ZBTB32: variants seen among roughly 807,000 people sequenced by gnomAD.
ZBTB32 encodes zinc finger and BTB domain containing 32, also known as zinc finger and BTB domain-containing protein 32.
In ZBTB32, 28 loss-of-function variants were observed where a neutral mutation model predicts 45.3. The ratio of observed to expected loss-of-function variants is 0.62; its 90% confidence interval spans 0.46 to 0.85. The LOEUF is 0.85. ZBTB32 is among the 40% of genes least tolerant of loss of function. ZBTB32 has a pLI of 0.00. For synonymous variants in ZBTB32, 283 were observed against 255.7 expected (o/e 1.11, Z -1.02); for missense variants, 587 against 624.4 (o/e 0.94, Z 0.64).
chr19:35,714,466 G>A lies in ZBTB32; in HGVS notation c.-104-57G>A, dbSNP rs535763256. On this transcript the variant is annotated intron_variant, in intron 2 of 6. Transcript: ENST00000392197. Reference sequence around the variant, plus strand: ...TGGGTTACTTTATTTGCTCACTCAGGACAGAGGGCTCTGATCTAGGACCAG... The same window carrying A: ...TGGGTTACTTTATTTGCTCACTCAGAACAGAGGGCTCTGATCTAGGACCAG... The A allele has an allele frequency of 2.5e-5, 18 of 723,586 alleles. No individual in the cohort carries two copies. In the East Asian group the frequency reaches 3.5e-4, roughly 14 times the overall value. The allele number at this position is 723,586 out of a possible 1,614,324, so 44.8% of individuals were successfully genotyped here.
At chr19:35,713,477 C>G (rs1159357342) in intron 2 of ZBTB32, 1 of 152,342 alleles carries the variant, frequency 6.6e-6, no homozygotes, top group Non-Finnish European at 1.5e-5. Context: ...CTCTCTCCAG[C>G]TGAGGCCTTC....
At chr19:35,713,913 T>C (rs1303917137) in intron 2 of ZBTB32, among the ~76,000 whole-genome samples, 2 of 152,280 alleles carry the variant, frequency 1.3e-5, no homozygotes, top group Non-Finnish European at 2.9e-5. Context: ...CTGTGGCTTC[T>C]GCACCTGCTC....
chr19:35,711,024 G>GC (rs1968677047), intron 1 of ZBTB32, among the ~76,000 whole-genome samples: 1 of 152,156 alleles, frequency 6.6e-6, no homozygotes, highest in South Asian at 2.1e-4. Context: ...GAGTTCCCTT[G>GC]CCCCTCCTCC....
intron 1 of ZBTB32, among the ~76,000 whole-genome samples, chr19:35,705,530 T>C (rs922618996): frequency 2.0e-5 from 3 of 152,162 alleles, no homozygotes; most frequent in Admixed American, 1.3e-4. Flanking sequence ...AGTAATCCTC[T>C]GGAGATTCTA....
chr19:35,710,435 G>C (rs765873981), intron 1 of ZBTB32, among the ~76,000 whole-genome samples: 72 of 152,050 alleles, frequency 4.7e-4, no homozygotes, highest in Non-Finnish European at 8.4e-4. Flanking sequence ...GAAGAGGAAG[G>C]GGGGGCAAGG....
chr19:35,706,064 A>G (rs1237349792), intron 1 of ZBTB32, among the ~76,000 whole-genome samples: 1 of 151,552 alleles, frequency 6.6e-6, no homozygotes, highest in East Asian at 1.9e-4. Flanking sequence ...CCCCATCTCT[A>G]CTAAAAATAC....
rs1968859766 is a variant in ZBTB32 at position 35,715,791 on chromosome 19, T to C, written c.916T>C (p.Trp306Arg). Residue 306 changes from tryptophan to arginine, a missense_variant, in exon 4 of 7, where the codon TGG (tryptophan) becomes CGG (arginine). Trp to Arg is a moderately radical substitution (Grantham distance 101). Transcript: ENST00000392197. Reference protein sequence around the residue: ...PLSLNAPKGLWSQNQLASSSP... With the variant: ...PLSLNAPKGLRSQNQLASSSP... Reference sequence around the variant, plus strand: ...GTCCCTAAATGCCCCCAAAGGGCTCTGGAGCCAGAACCAGTTGGCCTCCTC... The same window carrying C: ...GTCCCTAAATGCCCCCAAAGGGCTCCGGAGCCAGAACCAGTTGGCCTCCTC... 1.2e-6 allele frequency: 2 copies of C among 1,613,718 alleles called. No individual in the cohort carries two copies. Among genetic ancestry groups the C allele is most frequent in the Non-Finnish European group, 1.7e-6 (2 of 1,179,892 alleles).
intron 2 of ZBTB32, among the ~76,000 whole-genome samples, chr19:35,713,909 C>T (rs1968775573): frequency 6.6e-6 from 1 of 152,260 alleles, no homozygotes; most frequent in African/African-American, 2.4e-5. Flanking sequence ...TCTCCTGTGG[C>T]TTCTGCACCT....
chr19:35,716,617 G>A lies in ZBTB32; in HGVS notation c.1329G>A (p.Met443Ile). 1 of 1,613,478 alleles carries A rather than the reference G, an allele frequency of 6.2e-7. No individual in the cohort carries two copies. The highest frequency in any genetic ancestry group is 8.5e-7 in the Non-Finnish European group (1 of 1,179,952). The change falls in exon 7 of 7, where the codon ATG (methionine) becomes ATA (isoleucine). Residue 443 changes from methionine to isoleucine, a missense_variant. Coordinates refer to ENST00000392197, the MANE Select transcript of ZBTB32 (RefSeq NM_014383.3). ...CGAGCPSLAS[M>I]QAHMRGHSPS... is the part of the protein sequence containing the mutation. ...CCGGCTGTCCCAGCCTGGCCTCCAT[G>A]CAGGCGCACATGCGCGGTCACTCGC...
chr19:35,715,466 C>T lies in ZBTB32; in HGVS notation c.840C>T (p.Thr280=). ...ATGGCATTCCCTTCTACCATAGCAC[C>T]CCCACCACTGGAGCCTGGCAGGAGG... ...PRYGIPFYHS[T]PTTGAWQEVW... Residue 280 remains threonine (T), a synonymous_variant, in exon 3 of 7, where the codon ACC becomes ACT. Coordinates refer to ENST00000392197, the MANE Select transcript of ZBTB32 (RefSeq NM_014383.3). 1 of 1,566,934 alleles carries T rather than the reference C, an allele frequency of 6.4e-7. No homozygotes were observed. The highest frequency in any genetic ancestry group is 8.6e-7 in the Non-Finnish European group (1 of 1,157,840).
intron 1 of ZBTB32, among the ~76,000 whole-genome samples, chr19:35,706,712 C>T (rs970170951): frequency 6.6e-6 from 1 of 151,982 alleles, no homozygotes; most frequent in African/African-American, 2.4e-5. Context: ...AAGGGCAAAA[C>T]TCTGTCTCAA....
At chr19:35,705,765 G>A (rs1450242639) in intron 1 of ZBTB32, among the ~76,000 whole-genome samples, 3 of 151,596 alleles carry the variant, frequency 2.0e-5, no homozygotes, top group Non-Finnish European at 4.4e-5. Flanking sequence ...ACAAAAATTA[G>A]CCAGGTGTGG....
In ZBTB32 at chr19:35,715,572, T is replaced by G; in HGVS notation, c.881+65T>G. The G allele has an allele frequency of 4.7e-6, 7 of 1,503,576 alleles. No individual in the cohort carries two copies. The South Asian group carries it at 8.0e-5, about 17-fold the overall frequency. The allele number at this position is 1,503,576 out of a possible 1,614,324, so 93.1% of individuals were successfully genotyped here. Reference sequence around the variant, plus strand: ...GGGCATGGCCCAGGAGGGGCAGCCCTGCTGGGTGGAAGGGCACTGCATCTC... The same window carrying G: ...GGGCATGGCCCAGGAGGGGCAGCCCGGCTGGGTGGAAGGGCACTGCATCTC... On this transcript the variant is annotated intron_variant, in intron 3 of 6. Coordinates refer to ENST00000392197, the MANE Select transcript of ZBTB32 (RefSeq NM_014383.3).
chr19:35,714,975 G>A lies in ZBTB32; in HGVS notation c.349G>A (p.Ala117Thr). Residue 117 changes from alanine to threonine, a missense_variant, in exon 3 of 7, where the codon GCT becomes ACT. Coordinates refer to ENST00000392197, the MANE Select transcript of ZBTB32 (RefSeq NM_014383.3). ...EACWRARGDR[A>T]KKPDPGLKKH... is the part of the protein sequence containing the mutation. ...ATGCTGGAGGGCTCGAGGGGACAGG[G>A]CTAAAAAGCCAGATCCAGGCCTGAA... The A allele has an allele frequency of 1.9e-6, 3 of 1,601,052 alleles. No individual in the cohort carries two copies. Among genetic ancestry groups the A allele is most frequent in the Non-Finnish European group, 2.6e-6 (3 of 1,173,882 alleles).
chr19:35,715,855 C>T (rs1238120965), intron 4 of ZBTB32, 25 bp downstream of exon 4: 8 of 1,612,146 alleles, frequency 5.0e-6, no homozygotes, highest in Non-Finnish European at 1.7e-6. Context: ...GTCCTGCATA[C>T]ACCTGTAACA....
At chr19:35,707,167 G>A (rs945799604) in intron 1 of ZBTB32, among the ~76,000 whole-genome samples, 8 of 142,728 alleles carry the variant, frequency 5.6e-5, no homozygotes, top group Non-Finnish European at 1.0e-4. Context: ...TGCACTCCAG[G>A]CTGGGTGACA....
Position 35,715,299 on chromosome 19 carries a change from A to G in ZBTB32, c.673A>G (p.Ser225Gly). Residue 225 changes from serine to glycine, a missense_variant, in exon 3 of 7, where the codon AGT (serine) becomes GGT (glycine). Physicochemically the swap from Ser to Gly is moderately conservative, Grantham distance 56 (BLOSUM62 0). Coordinates refer to ENST00000392197, the MANE Select transcript of ZBTB32 (RefSeq NM_014383.3). ...LRENPGGSEE[S>G]LRKLPGPLPP... ...GGAAAATCCAGGGGGCTCTGAGGAAAGTCTGCGCAAGCTCCCTGGCCCCCT... is the reference window on the plus strand; with the variant it reads ...GGAAAATCCAGGGGGCTCTGAGGAAGGTCTGCGCAAGCTCCCTGGCCCCCT... 6.3e-7 allele frequency: 1 copy of G among 1,583,118 alleles called. No individual in the cohort carries two copies. Among genetic ancestry groups the G allele is most frequent in the Non-Finnish European group, 8.6e-7 (1 of 1,166,238 alleles).
intron 1 of ZBTB32, among the ~76,000 whole-genome samples, chr19:35,708,371 C>G (rs554350076): frequency 6.6e-6 from 1 of 152,130 alleles, no homozygotes; most frequent in African/African-American, 2.4e-5. Context: ...CTCACAGTTC[C>G]GGGTAGGCAC....
At chr19:35,705,000 G>T (rs1225482872) in intron 1 of ZBTB32, among the ~76,000 whole-genome samples, 1 of 152,230 alleles carries the variant, frequency 6.6e-6, no homozygotes, top group Non-Finnish European at 1.5e-5. Context: ...GGAGAGGCCT[G>T]TGGATCTCCA....
Sources: allele counts gnomAD v4.1 joint callset (sites outside exome capture counted in the v4.1 genomes callset), GRCh38; gene constraint gnomAD v4.1.1; transcripts MANE v1.5; gene names NCBI Gene and HGNC (gene_info 2026-07-23, HGNC 2026-07-21).